Variants in SAV1 observed in about 807,000 individuals in gnomAD.
SAV1 encodes the protein salvador family WW domain containing protein 1.
SAV1 carries 23 observed loss-of-function variants against 47.3 expected under a neutral mutation model. That is an observed-to-expected ratio of 0.49 (90% CI 0.35 to 0.69). SAV1 has a LOEUF of 0.69. SAV1 is among the 30% of genes least tolerant of loss of function. SAV1 has a pLI of 0.01. For synonymous variants in SAV1, 155 were observed against 159.2 expected (o/e 0.97, Z 0.20); for missense variants, 448 against 457.4 (o/e 0.98, Z 0.19).
At chr14:50,645,390 G>A (rs2039713734) in intron 2 of SAV1, among the ~76,000 whole-genome samples, 1 of 152,060 alleles carries the variant, frequency 6.6e-6, no homozygotes, top group South Asian at 2.1e-4. Context: ...GACCTTATGT[G>A]ATGAGTCATA....
At chr14:50,654,880 T>C (rs1033433564) in intron 2 of SAV1, among the ~76,000 whole-genome samples, 5 of 152,190 alleles carry the variant, frequency 3.3e-5, no homozygotes, top group Admixed American at 1.3e-4. Context: ...ACCTATGCAA[T>C]AGAAAGTACA....
At chr14:50,661,204 C>T (rs1400706631) in intron 2 of SAV1, among the ~76,000 whole-genome samples, 1 of 152,118 alleles carries the variant, frequency 6.6e-6, no homozygotes, top group African/African-American at 2.4e-5. Flanking sequence ...ATTTCCTTGA[C>T]GATTAGTGAT....
chr14:50,637,473 G>A (rs2140246867), intron 4 of SAV1, among the ~76,000 whole-genome samples: 1 of 152,138 alleles, frequency 6.6e-6, no homozygotes, highest in South Asian at 2.1e-4. Context: ...AAGTCAAGAT[G>A]GTTACCATTT....
chr14:50,667,990 C>A lies in SAV1; in HGVS notation c.-23G>T. 1 of 1,596,096 alleles carries A rather than the reference C, an allele frequency of 6.3e-7. No homozygotes were observed. Among genetic ancestry groups the A allele is most frequent in the Middle Eastern group, 2.3e-4 (1 of 4,414 alleles). ...CATCCTTCTCGACGAGGCCCGAGGC[C>A]GCGCTGAACTGCCTCCCTAGGGCTC... is the stretch of plus-strand genomic sequence containing the variant. On this transcript the variant is annotated 5_prime_UTR_variant, in exon 1 of 5. Transcript: ENST00000324679.
At chr14:50,665,715 TGTCA>T (rs2039896624) in intron 1 of SAV1, 96 bp from the exon 2 acceptor site, 2 of 1,100,156 alleles carry the variant, frequency 1.8e-6, no homozygotes, top group African/African-American at 1.6e-5. Context: ...AAAATCAAAA[TGTCA>T]GTCAACTTAA....
At chr14:50,635,654 T>A in intron 4 of SAV1, among the ~76,000 whole-genome samples, 1 of 152,144 alleles carries the variant, frequency 6.6e-6, no homozygotes, top group East Asian at 1.9e-4. Flanking sequence ...TTTCTAAAAA[T>A]AAATAAATCA....
chr14:50,650,914 T>C (rs1436159566), intron 2 of SAV1, among the ~76,000 whole-genome samples: 1 of 151,826 alleles, frequency 6.6e-6, no homozygotes, highest in Admixed American at 6.6e-5. Context: ...TCCCAGCTAC[T>C]CAGGAGGCTG....
chr14:50,645,109 A>T, intron 2 of SAV1, 95 bp from the exon 3 acceptor site: 1 of 1,022,146 alleles, frequency 9.8e-7, no homozygotes, highest in Non-Finnish European at 1.4e-6. Context: ...AACTATCCTG[A>T]TTGTACTCTT....
At chr14:50,635,629 C>T (rs1336646794) in intron 4 of SAV1, among the ~76,000 whole-genome samples, 1 of 152,104 alleles carries the variant, frequency 6.6e-6, no homozygotes, top group Non-Finnish European at 1.5e-5. Flanking sequence ...GCCTGGGCAA[C>T]ATAGCAAGAC....
intron 4 of SAV1, among the ~76,000 whole-genome samples, chr14:50,639,014 G>C (rs1327369947): frequency 6.6e-6 from 1 of 152,134 alleles, no homozygotes; most frequent in African/African-American, 2.4e-5. Context: ...TGATCCACTC[G>C]CCTCAGCCTC....
At position 50,635,225 on chromosome 14, in the gene SAV1, C is replaced by CT. The variant is rs1323561061; in HGVS notation, c.1109dup (p.Arg371GlufsTer16). The CT allele has an allele frequency of 6.2e-7, 1 of 1,614,024 alleles. No homozygotes were observed. Among genetic ancestry groups the CT allele is most frequent in the Non-Finnish European group, 8.5e-7 (1 of 1,180,030 alleles). ...GTTGTTGGGCATACCACTGCTGTCT[C>CT]TGCTTTCGGTTTTCCAACTCTGTAA... On this transcript the variant is annotated frameshift_variant, in exon 5 of 5. Transcript: ENST00000324679. LOFTEE classifies it high-confidence loss of function.
At position 50,634,410 on chromosome 14, in the gene SAV1, G is replaced by C. The variant is rs1224393333; in HGVS notation, c.*773C>G. 3.8e-6 allele frequency: 1 copy of C among 261,716 alleles called. No homozygotes were observed. Among genetic ancestry groups the C allele is most frequent in the Non-Finnish European group, 7.8e-6 (1 of 128,526 alleles). The allele number at this position is 261,716 out of a possible 1,614,324, so 16.2% of individuals were successfully genotyped here. A position where few individuals can be genotyped will look rare whatever the true frequency, so the allele number is the denominator to read the frequency against. The stretch of plus-strand genomic sequence containing the variant: ...TCTCTCTCAGGCTGCAGTGCAAGTG[G>C]TGCGATCTTGACCCTGCAACCTCTG... On this transcript the variant is annotated 3_prime_UTR_variant, in exon 5 of 5. Coordinates refer to ENST00000324679, the MANE Select transcript of SAV1 (RefSeq NM_021818.4).
At chr14:50,663,366 C>T (rs2039875854) in intron 2 of SAV1, among the ~76,000 whole-genome samples, 1 of 152,114 alleles carries the variant, frequency 6.6e-6, no homozygotes. Context: ...ATTTTTAAAA[C>T]TTACTATTTT....
Position 50,644,975 on chromosome 14 carries a change from G to A in SAV1, c.575C>T (p.Thr192Ile), listed in dbSNP as rs535769761. Residue 192 changes from threonine (T) to isoleucine (I), a missense_variant, in exon 3 of 5, where the codon ACT (threonine) becomes ATT (isoleucine). Transcript: ENST00000324679. ...RVAATSLGNL[T>I]NHGSEDLPLP... ...GGGTAAATCTTCAGAACCATGGTTA[G>A]TCAAATTTCCTAAAGATGTAGCAGC... The A allele has an allele frequency of 1.5e-5, 24 of 1,613,012 alleles. No homozygotes were observed. Among genetic ancestry groups the A allele is most frequent in the Middle Eastern group, 1.7e-4 (1 of 6,060 alleles).
chr14:50,640,862 T>C lies in SAV1; in HGVS notation c.838A>G (p.Thr280Ala), dbSNP rs2039676006. Residue 280 changes from threonine to alanine, a missense_variant, in exon 4 of 5, where the codon ACA becomes GCA. By Grantham distance (58) the Thr-to-Ala change is moderately conservative (BLOSUM62 0). Coordinates refer to ENST00000324679, the MANE Select transcript of SAV1 (RefSeq NM_021818.4). ...VPRYDQPPPV[T>A]YQPQQTERNQ... ...CTTTCAGTTTGCTGTGGCTGGTATG[T>C]GACAGGAGGTGGTTGATCATACCGA... The C allele has an allele frequency of 1.2e-6, 2 of 1,613,304 alleles. No individual in the cohort carries two copies. The highest frequency in any genetic ancestry group is 1.1e-5 in the South Asian group (1 of 90,946).
At position 50,640,806 on chromosome 14, in the gene SAV1, T is replaced by C. The variant is rs534412395; in HGVS notation, c.894A>G (p.Pro298=). 2.4e-5 allele frequency: 38 copies of C among 1,613,970 alleles called. No homozygotes were observed. The highest frequency in any genetic ancestry group is 1.6e-4 in the South Asian group (15 of 91,038). Residue 298 remains proline, a synonymous_variant, in exon 4 of 5, where the codon CCA becomes CCG. Transcript: ENST00000324679. Reference sequence around the variant, plus strand: ...AGTCAGGAATTTCTGCAGTATGATATGGATTTGCAGGTACCAGAAGGGACT... The same window carrying C: ...AGTCAGGAATTTCTGCAGTATGATACGGATTTGCAGGTACCAGAAGGGACT... The part of the protein sequence containing the change: ...RNQSLLVPAN[P]YHTAEIPDWL...
At chr14:50,662,117 T>A (rs191712615) in intron 2 of SAV1, among the ~76,000 whole-genome samples, 1 of 152,328 alleles carries the variant, frequency 6.6e-6, no homozygotes, top group Admixed American at 6.5e-5. Context: ...TTCCATTTGT[T>A]TTTGTGCTCT....
At position 50,635,051 on chromosome 14, in the gene SAV1, T is replaced by C. The variant is rs903369792; in HGVS notation, c.*132A>G. ...TAAAAGAAAATTTCTAATAACAAAA[T>C]ACATGTAAAGTTAGAATTTTATAAT... On this transcript the variant is annotated 3_prime_UTR_variant, in exon 5 of 5. Transcript: ENST00000324679. The C allele has an allele frequency of 1.5e-6, 1 of 682,314 alleles. No homozygotes were observed. The highest frequency in any genetic ancestry group is 2.4e-6 in the Non-Finnish European group (1 of 413,866). 42.3% of individuals were successfully genotyped at this position (682,314 alleles called of 1,614,324 possible). A position where few individuals can be genotyped will look rare whatever the true frequency, so the allele number is the denominator to read the frequency against.
At chr14:50,638,916 T>C (rs1033871953) in intron 4 of SAV1, among the ~76,000 whole-genome samples, 6 of 152,100 alleles carry the variant, frequency 3.9e-5, no homozygotes, top group Admixed American at 2.6e-4. Flanking sequence ...TACAGGCGCG[T>C]GCCACCATAC....
Sources: allele counts gnomAD v4.1 joint callset (sites outside exome capture counted in the v4.1 genomes callset), GRCh38; gene constraint gnomAD v4.1.1; transcripts MANE v1.5; gene names NCBI Gene and HGNC (gene_info 2026-07-23, HGNC 2026-07-21).